The following OVCH2 variants were observed in gnomAD, a reference collection of about 807,000 sequenced individuals.
The protein encoded by OVCH2 is ovochymase 2.
Under a neutral mutation model 73.7 loss-of-function variants are expected in OVCH2, and 88 were observed. The observed-to-expected ratio is 1.19, with a 90% CI of 1.01 to 1.43. OVCH2 has a LOEUF of 1.43. Among genes scored for constraint, OVCH2 ranks in the 40% most tolerant of loss-of-function variants. OVCH2 has a pLI of 0.00. For synonymous variants in OVCH2, 265 were observed against 234.5 expected (o/e 1.13, Z -1.19); for missense variants, 706 against 674.5 (o/e 1.05, Z -0.52).
intron 3 of OVCH2, 129 bp from the exon 4 acceptor site, chr11:7,702,458 A>T (rs866921383): frequency 1.4e-6 from 1 of 733,072 alleles, no homozygotes. Flanking sequence ...CTGAGCAGAG[A>T]AAGTGAGAAT....
At position 7,702,305 on chromosome 11, in the gene OVCH2, A is replaced by G. The variant is rs1589881437; in HGVS notation, c.315T>C (p.Val105=). The G allele has an allele frequency of 4.4e-6, 7 of 1,599,924 alleles. No homozygotes were observed. The highest frequency in any genetic ancestry group is 6.0e-6 in the Non-Finnish European group (7 of 1,175,936). The change falls in exon 4 of 16, where the codon GTT becomes GTC. Residue 105 remains valine, a synonymous_variant. Coordinates refer to ENST00000533663, the MANE Select transcript of OVCH2 (RefSeq NM_198185.7). ...ANRNIVSTLN[V]TAGEYDLSQT... is the part of the protein sequence containing the mutation. ...GGCTTAAGTCATACTCTCCAGCAGT[A>G]ACATTCAAAGTAGACACAATGTTTC...
rs767861779 is a variant in OVCH2 at position 7,696,571 on chromosome 11, C to T, written c.1035G>A (p.Leu345=). 7 of 1,614,016 alleles carry T rather than the reference C, an allele frequency of 4.3e-6. No individual in the cohort carries two copies. The South Asian group carries it at 7.7e-5, about 18-fold the overall frequency. The change falls in exon 10 of 16, where the codon CTG becomes CTA. Residue 345 remains leucine (L), a synonymous_variant. Transcript: ENST00000533663. ...YESKQRCVWT[L]LVPEEMHVLL... ...ACACATGCATTTCCTCTGGTACCAGCAGGGTCCAGACACACCGTCTGTAGG... is the reference window on the plus strand; with the variant it reads ...ACACATGCATTTCCTCTGGTACCAGTAGGGTCCAGACACACCGTCTGTAGG...
Position 7,703,718 on chromosome 11 carries a change from C to T in OVCH2, c.270G>A (p.Ala90=), listed in dbSNP as rs373869597. ...CTTACCTGTTTGCAATGCAGTGAGC[C>T]GCCGTGATCACCCACTGTGGTGAGA... ...SIVSPQWVIT[A]AHCIANRNIV... Residue 90 remains alanine, a synonymous_variant, in exon 3 of 16, where the codon GCG becomes GCA. Coordinates refer to ENST00000533663, the MANE Select transcript of OVCH2 (RefSeq NM_198185.7). 23 of 1,608,064 alleles carry T rather than the reference C, an allele frequency of 1.4e-5. No individual in the cohort carries two copies. The highest frequency in any genetic ancestry group is 1.3e-4 in the East Asian group (6 of 44,762).
At position 7,702,200 on chromosome 11, in the gene OVCH2, G is replaced by A; in HGVS notation, c.420C>T (p.Asp140=). The A allele has an allele frequency of 6.2e-7, 1 of 1,612,590 alleles. No individual in the cohort carries two copies. The highest frequency in any genetic ancestry group is 8.5e-7 in the Non-Finnish European group (1 of 1,179,310). ...CCATCTTCAAAAGGGCAATATCATA[G>A]TCCATTGGTTTCTTGGTGGAGAAAT... ...HPHFSTKKPM[D]YDIALLKMAG... is the part of the protein sequence containing the mutation. The change falls in exon 4 of 16, where the codon GAC becomes GAT. Residue 140 remains aspartate (D), a synonymous_variant. Transcript: ENST00000533663.
intron 3 of OVCH2, 65 bp from the exon 4 acceptor site, chr11:7,702,394 G>A (rs1448846706): frequency 8.0e-7 from 1 of 1,242,958 alleles, no homozygotes; most frequent in Non-Finnish European, 1.1e-6. Context: ...TGCAATGGTT[G>A]ACACACTAGC....
At chr11:7,694,826 T>TTTTA (rs1555014032) in intron 12 of OVCH2, among the ~76,000 whole-genome samples, 1 of 145,242 alleles carries the variant, frequency 6.9e-6, no homozygotes, top group African/African-American at 2.6e-5. Flanking sequence ...TTTTTTTTTT[T>TTTTA]AAAGTAAGGA....
At chr11:7,687,262 A>G (rs4758215), downstream of OVCH2, among the ~76,000 whole-genome samples, 250 of 151,586 alleles carry the variant, frequency 1.6e-3, 1 homozygote, top group East Asian at 0.02. Context: ...TGTCAAAAAA[A>G]TATGATGTTA....
downstream of OVCH2, among the ~76,000 whole-genome samples, chr11:7,684,506 ATGTGTGTGTGTGTGTGTGTGTGTG>A (rs55770590): frequency 2.8e-5 from 4 of 141,342 alleles, no homozygotes; most frequent in Non-Finnish European, 3.1e-5. Context: ...ATACATACAT[ATGTGTGTGTGTGTGTGTGTGTGTG>A]TGTGTGTGTG....
rs971233763 is a variant in OVCH2 at position 7,698,754 on chromosome 11, G to A, written c.921C>T (p.Ser307=). The A allele has an allele frequency of 3.1e-6, 5 of 1,612,426 alleles. No individual in the cohort carries two copies. Among genetic ancestry groups the A allele is most frequent in the Non-Finnish European group, 4.2e-6 (5 of 1,179,440 alleles). Residue 307 remains serine, a synonymous_variant, in exon 8 of 16, where the codon TCC becomes TCT. Transcript: ENST00000533663. ...HIQTGNRRKS[S]RAWCSEQDVI... ...CAGCCTGCAAGGGATACCCACCTCT[G>A]GAGCTCTTTCTCCGATTACCTGGGA...
In OVCH2 at chr11:7,689,985, T is replaced by C. The variant is rs1856190624; in HGVS notation, c.1668A>G (p.Ser556=). The change falls in exon 15 of 16, where the codon TCA becomes TCG. Residue 556 remains serine, a synonymous_variant. Coordinates refer to ENST00000533663, the MANE Select transcript of OVCH2 (RefSeq NM_198185.7). ...TCTCCAGAAACATTGATTCATCCTC[T>C]GATATGGAGATGTTTAAATCTGGGT... The part of the protein sequence containing the change: ...AVYPDLNISI[S]EDESMFLET 6.6e-7 allele frequency: 1 copy of C among 1,526,278 alleles called. No individual in the cohort carries two copies. Among genetic ancestry groups the C allele is most frequent in the African/African-American group, 1.4e-5 (1 of 72,674 alleles). 94.5% of individuals were successfully genotyped at this position (1,526,278 alleles called of 1,614,324 possible).
intron 10 of OVCH2, 88 bp from the exon 11 acceptor site, chr11:7,695,798 T>G: frequency 6.6e-7 from 1 of 1,507,308 alleles, no homozygotes; most frequent in South Asian, 1.2e-5. Context: ...TTTGCCATGA[T>G]ATTTCAGGAT....
At chr11:7,700,969 A>G in intron 6 of OVCH2, among the ~76,000 whole-genome samples, 1 of 152,196 alleles carries the variant, frequency 6.6e-6, no homozygotes, top group Admixed American at 6.5e-5. Context: ...CCTCTTTTAA[A>G]TCACACTTCC....
At position 7,706,397 on chromosome 11, in the gene OVCH2, T is replaced by C; in HGVS notation, c.-3A>G. ...AGCTTGTTCCTGCTTATAAGCATTTTGAGACTCATAGTTTTTCCCTGAAAT... is the reference window on the plus strand; with the variant it reads ...AGCTTGTTCCTGCTTATAAGCATTTCGAGACTCATAGTTTTTCCCTGAAAT... On this transcript the variant is annotated 5_prime_UTR_variant, in exon 1 of 16. Transcript: ENST00000533663. 6.4e-7 allele frequency: 1 copy of C among 1,565,748 alleles called. No individual in the cohort carries two copies. The highest frequency in any genetic ancestry group is 8.7e-7 in the Non-Finnish European group (1 of 1,153,672).
In OVCH2 at chr11:7,702,258, G is replaced by C; in HGVS notation, c.362C>G (p.Thr121Ser). 1 of 1,612,666 alleles carries C rather than the reference G, an allele frequency of 6.2e-7. No individual in the cohort carries two copies. The highest frequency in any genetic ancestry group is 1.1e-5 in the South Asian group (1 of 90,822). The change falls in exon 4 of 16, where the codon ACT becomes AGT. Residue 121 changes from threonine (T) to serine (S), a missense_variant. By Grantham distance (58) the Thr-to-Ser change is moderately conservative. Transcript: ENST00000533663. ...TATGATGACAGTTTCAATAGTGAGA[G>C]TTTGCTCTCCTGGGTCTGTCTGGCT... ...DLSQTDPGEQ[T>S]LTIETVIIHP...
chr11:7,689,889 T>G, intron 15 of OVCH2, 35 bp downstream of exon 15: 1 of 1,233,978 alleles, frequency 8.1e-7, no homozygotes, highest in Non-Finnish European at 1.1e-6. Flanking sequence ...TGGATTATAC[T>G]CTGTGTGTAT....
In OVCH2 at chr11:7,696,470, G is replaced by A. The variant is rs1463054800; in HGVS notation, c.1136C>T (p.Pro379Leu). Residue 379 changes from proline to leucine, a missense_variant, in exon 10 of 16, where the codon CCC becomes CTC. By Grantham distance (98) the Pro-to-Leu change is moderately conservative. Transcript: ENST00000533663. The part of the protein sequence containing the change: ...YLSMYSLEDR[P>L]IGKFCGESLP... ...CACTGTGAAAATCCACTCACCAATG[G>A]GTCTGTCTTCTAAAGAATACATTGA... The A allele has an allele frequency of 1.9e-6, 3 of 1,613,802 alleles. No homozygotes were observed. The highest frequency in any genetic ancestry group is 2.5e-6 in the Non-Finnish European group (3 of 1,179,894).
At chr11:7,681,117 A>C in the OVCH2 span, among the ~76,000 whole-genome samples, 1 of 152,194 alleles carries the variant, frequency 6.6e-6, no homozygotes, top group Non-Finnish European at 1.5e-5. Flanking sequence ...TCCTGAACAA[A>C]GAGGCTCGGA....
chr11:7,701,658 G>A (rs1856440773), intron 5 of OVCH2, 58 bp downstream of exon 5: 3 of 1,532,410 alleles, frequency 2.0e-6, no homozygotes, highest in Admixed American at 1.9e-5. Context: ...TCCATTTTCT[G>A]ATTGCCCACC....
intron 5 of OVCH2, 111 bp from the exon 6 acceptor site, chr11:7,701,586 A>AT: frequency 6.8e-7 from 1 of 1,470,968 alleles, no homozygotes; most frequent in South Asian, 1.3e-5. Context: ...TCTAAGTACA[A>AT]TGTGACATTC....
Sources: allele counts gnomAD v4.1 joint callset (sites outside exome capture counted in the v4.1 genomes callset), GRCh38; gene constraint gnomAD v4.1.1; transcripts MANE v1.5; gene names NCBI Gene and HGNC (gene_info 2026-07-23, HGNC 2026-07-21).